Variants in IQGAP1 observed in about 807,000 individuals in gnomAD.
The protein encoded by IQGAP1 is IQ motif containing GTPase activating protein 1, also known as ras GTPase-activating-like protein IQGAP1.
In IQGAP1, 66 loss-of-function variants were observed where a neutral mutation model predicts 215.6. That is an observed-to-expected ratio of 0.31 (90% confidence interval 0.25 to 0.38). IQGAP1 has a LOEUF of 0.38. Among genes scored for constraint, IQGAP1 ranks in the 10% least tolerant of loss-of-function variants. The pLI, the probability that IQGAP1 is intolerant of heterozygous loss-of-function variation, is 1.00. For missense variants in IQGAP1, 1,712 were observed against 1,997.1 expected (o/e 0.86, Z 2.72); for synonymous variants, 772 against 728.7 (o/e 1.06, Z -0.96).
chr15:90,453,503 A>G (rs1219526771), intron 13 of IQGAP1, among the ~76,000 whole-genome samples: 1 of 152,238 alleles, frequency 6.6e-6, no homozygotes, highest in African/African-American at 2.4e-5. Context: ...TATGTTACAT[A>G]GTCAAAATAA....
At chr15:90,478,596 G>A (rs903205972) in intron 26 of IQGAP1, among the ~76,000 whole-genome samples, 1 of 152,182 alleles carries the variant, frequency 6.6e-6, no homozygotes, top group African/African-American at 2.4e-5. Context: ...ACATAAGGTG[G>A]TTAGGGAAAG....
chr15:90,444,928 G>C (rs1965505549), intron 9 of IQGAP1, among the ~76,000 whole-genome samples: 1 of 152,138 alleles, frequency 6.6e-6, no homozygotes, highest in African/African-American at 2.4e-5. Context: ...TTTGAGACCA[G>C]CCTGGGCAAT....
chr15:90,407,805 C>T (rs562969952), intron 2 of IQGAP1, among the ~76,000 whole-genome samples: 95 of 152,250 alleles, frequency 6.2e-4, no homozygotes, highest in African/African-American at 2.2e-3. Context: ...TTTAGCTCCT[C>T]CATTGTTCAG....
At chr15:90,435,097 A>G (rs1339696481) in intron 5 of IQGAP1, among the ~76,000 whole-genome samples, 2 of 152,218 alleles carry the variant, frequency 1.3e-5, no homozygotes, top group African/African-American at 4.8e-5. Flanking sequence ...CTGTGGTATC[A>G]TTGGAATCAG....
At position 90,483,378 on chromosome 15, in the gene IQGAP1, T is replaced by G. The variant is rs1966084847; in HGVS notation, c.3573T>G (p.Leu1191=). The change falls in exon 29 of 38, where the codon CTT becomes CTG. Residue 1191 remains leucine (L), a synonymous_variant. Transcript: ENST00000268182. ...TGTTCCAGATTATTGGTAACTTGCT[T>G]TATTATCGATACATGAATCCAGCCA... The part of the protein sequence containing the change: ...DELLKIIGNL[L]YYRYMNPAIV... 2.5e-6 allele frequency: 4 copies of G among 1,613,834 alleles called. No homozygotes were observed. The highest frequency in any genetic ancestry group is 3.4e-6 in the Non-Finnish European group (4 of 1,179,690).
chr15:90,463,586 G>T (rs1731305523), intron 15 of IQGAP1, among the ~76,000 whole-genome samples: 1 of 152,170 alleles, frequency 6.6e-6, no homozygotes, highest in Non-Finnish European at 1.5e-5. Context: ...TCTAGGGGAT[G>T]GTGTGTGGTC....
chr15:90,494,053 C>T (rs1314716327), intron 35 of IQGAP1: 1 of 152,098 alleles, frequency 6.6e-6, no homozygotes, highest in African/African-American at 2.4e-5. Context: ...TTCCATTATG[C>T]AGATAGATAT....
chr15:90,399,015 A>G (rs988388709), intron 2 of IQGAP1, among the ~76,000 whole-genome samples: 1 of 151,688 alleles, frequency 6.6e-6, no homozygotes, highest in East Asian at 1.9e-4. Flanking sequence ...AAAAAAAAAA[A>G]AAAAAAAAAA....
chr15:90,480,220 T>TAAA (rs999179798), intron 26 of IQGAP1, among the ~76,000 whole-genome samples: 4 of 92,444 alleles, frequency 4.3e-5, no homozygotes, highest in African/African-American at 5.4e-5. Flanking sequence ...CCCCATATCT[T>TAAA]AAAAAAAAAA....
intron 36 of IQGAP1, 125 bp from the exon 37 acceptor site, chr15:90,497,107 T>C: frequency 3.3e-6 from 2 of 609,594 alleles, no homozygotes; most frequent in South Asian, 2.1e-5. Context: ...AGAAGTACTT[T>C]TGACCTGTAT....
At chr15:90,492,441 A>AAAAT in intron 34 of IQGAP1, 104 bp from the exon 35 acceptor site, 2 of 667,918 alleles carry the variant, frequency 3.0e-6, no homozygotes, top group Non-Finnish European at 4.5e-6. Context: ...AAAAAAAAAA[A>AAAAT]GTAGGTAGTC....
chr15:90,496,306 C>CTTTTTTTTTTTTTTTTTTTTTTTTT (rs552222380), intron 36 of IQGAP1, among the ~76,000 whole-genome samples: 13 of 106,108 alleles, frequency 1.2e-4, no homozygotes, highest in African/African-American at 5.3e-4. Context: ...AGCATAATCC[C>CTTTTTTTTTTTTTTTTTTTTTTTTT]TTTTTTTTTT....
At chr15:90,476,916 C>T in intron 24 of IQGAP1, 98 bp downstream of exon 24, 3 of 1,405,832 alleles carry the variant, frequency 2.1e-6, no homozygotes, top group African/African-American at 1.4e-5. Flanking sequence ...TTTTTGACTT[C>T]CACTGAGGGG....
At chr15:90,496,015 T>G (rs1478541175) in intron 36 of IQGAP1, among the ~76,000 whole-genome samples, 1 of 151,314 alleles carries the variant, frequency 6.6e-6, no homozygotes, top group Non-Finnish European at 1.5e-5. Flanking sequence ...CCTTTCTGTC[T>G]TCTTTTTAAT....
intron 22 of IQGAP1, 95 bp downstream of exon 22, chr15:90,474,228 C>A: frequency 8.6e-7 from 1 of 1,158,484 alleles, no homozygotes; most frequent in Non-Finnish European, 1.2e-6. Context: ...ATCCTGAAGG[C>A]AAGGCTTGGG....
At chr15:90,398,793 A>G (rs1964761835) in intron 2 of IQGAP1, among the ~76,000 whole-genome samples, 1 of 152,156 alleles carries the variant, frequency 6.6e-6, no homozygotes, top group South Asian at 2.1e-4. Context: ...ACTTGATGCC[A>G]GGAGTTCGAG....
intron 3 of IQGAP1, 52 bp from the exon 4 acceptor site, chr15:90,429,537 A>T: frequency 7.5e-7 from 1 of 1,335,362 alleles, no homozygotes. Context: ...GTTTTTATTT[A>T]ATATTTGCTT....
intron 1 of IQGAP1, among the ~76,000 whole-genome samples, chr15:90,389,096 T>A (rs1025252527): frequency 3.3e-5 from 5 of 152,202 alleles, no homozygotes; most frequent in Non-Finnish European, 5.9e-5. Context: ...AATAATGTTC[T>A]TTTTTAAAGG....
chr15:90,498,814 A>AT (rs34853230), intron 37 of IQGAP1, among the ~76,000 whole-genome samples: 84,502 of 139,672 alleles, frequency 0.61, 26,753 homozygotes, highest in Middle Eastern at 0.7. Flanking sequence ...CGCCCGGCTA[A>AT]TTTTTTTTTT....
Sources: gnomAD v4.1 joint callset for allele counts (sites outside exome capture counted in the v4.1 genomes callset) on GRCh38, gnomAD v4.1.1 for gene constraint, MANE v1.5 for transcripts, NCBI Gene and HGNC (gene_info 2026-07-23, HGNC 2026-07-21) for gene names.